Variants in FANCI observed in about 807,000 individuals in gnomAD.
The protein encoded by FANCI is Fanconi anemia group I protein.
FANCI carries 156 observed loss-of-function variants against 176.1 expected under a neutral mutation model. The ratio of observed to expected loss-of-function variants is 0.89; its 90% CI spans 0.78 to 1.01. The LOEUF is 1.01. Among genes scored for constraint, FANCI ranks in the 50% least tolerant of loss-of-function variants. FANCI has a pLI of 0.00. For synonymous variants in FANCI, 613 were observed against 541.7 expected (o/e 1.13, Z -1.83); for missense variants, 1,678 against 1,534.1 (o/e 1.09, Z -1.57).
chr15:89,292,098 T>A (rs972025219), intron 20 of FANCI, among the ~76,000 whole-genome samples: 10 of 152,188 alleles, frequency 6.6e-5, no homozygotes, highest in African/African-American at 2.4e-4. Flanking sequence ...TGAACTAGGA[T>A]TGGCACTGTT....
At chr15:89,283,910 C>T (rs956124292) in intron 17 of FANCI, among the ~76,000 whole-genome samples, 2 of 151,838 alleles carry the variant, frequency 1.3e-5, no homozygotes, top group African/African-American at 4.8e-5. Context: ...CTACAGGCGC[C>T]TGCTACCGTG....
At chr15:89,316,356 C>T (rs772612303) in intron 37 of FANCI, 41 bp from the exon 38 acceptor site, 6 of 1,574,854 alleles carry the variant, frequency 3.8e-6, no homozygotes, top group South Asian at 3.4e-5. Flanking sequence ...TGCCTTGGAG[C>T]AGGTTTATCA....
intron 2 of FANCI, 25 bp from the exon 3 acceptor site, chr15:89,258,679 C>A (rs921915921): frequency 8.5e-5 from 135 of 1,592,008 alleles, no homozygotes; most frequent in Non-Finnish European, 1.2e-4. Flanking sequence ...TTGCCAGAGA[C>A]TTGTACCTTT....
chr15:89,304,986 G>A (rs2054661564), intron 28 of FANCI, 129 bp from the exon 29 acceptor site: 33 of 979,772 alleles, frequency 3.4e-5, no homozygotes, highest in Non-Finnish European at 5.1e-5. Flanking sequence ...ATGTTGGTGA[G>A]GCTGGTCTTG....
chr15:89,316,364 T>C (rs1297404607), intron 37 of FANCI, 33 bp from the exon 38 acceptor site: 4 of 1,596,820 alleles, frequency 2.5e-6, no homozygotes, highest in African/African-American at 1.3e-5. Context: ...AGCAGGTTTA[T>C]CACGTTAGAG....
At chr15:89,248,330 C>G (rs908957340) in intron 2 of FANCI, among the ~76,000 whole-genome samples, 3 of 152,186 alleles carry the variant, frequency 2.0e-5, no homozygotes, top group Admixed American at 1.3e-4. Context: ...AAAAGAATCC[C>G]TCTTCAAGGT....
rs112122784 is a variant in FANCI at position 89,294,601 on chromosome 15, AGG to A, written c.2457-308_2457-307del. 0.033 allele frequency among the ~76,000 whole-genome samples: 4,983 copies of A among 151,036 alleles called. 279 individuals are homozygous for A. The highest frequency in any genetic ancestry group is 0.11 in the African/African-American group (4,638 of 41,318). On this transcript the variant is annotated intron_variant, in intron 23 of 37. Coordinates refer to ENST00000310775, the MANE Select transcript of FANCI (RefSeq NM_001113378.2). The stretch of plus-strand genomic sequence containing the variant: ...ATTCTGCCTAAATAAATAAAAAGGT[AGG>A]GGGGGTGACTGAATTAAAAATACAA...
intron 2 of FANCI, among the ~76,000 whole-genome samples, chr15:89,250,525 TCA>T (rs1235353497): frequency 7.9e-6 from 1 of 126,806 alleles, no homozygotes; most frequent in African/African-American, 3.0e-5. Context: ...AATGGGAACA[TCA>T]CACACCGGGG....
Position 89,260,831 on chromosome 15 carries a change from A to G in FANCI, c.276A>G (p.Leu92=), listed in dbSNP as rs1254865307. ...QKEIASEIIG[L]LMLEAHHFPG... ...AAATAGCGTCTGAGATCATAGGATT[A>G]CTGATGCTGGAGGTAAGATGGCAAA... is the stretch of plus-strand genomic sequence containing the variant. Residue 92 remains leucine (L), a synonymous_variant, in exon 4 of 38, where the codon TTA becomes TTG. Transcript: ENST00000310775. The G allele has an allele frequency of 6.2e-7, 1 of 1,613,684 alleles. No individual in the cohort carries two copies. The highest frequency in any genetic ancestry group is 8.5e-7 in the Non-Finnish European group (1 of 1,179,812).
chr15:89,264,469 T>C (rs945169886), intron 8 of FANCI, 53 bp from the exon 9 acceptor site: 143 of 1,430,086 alleles, frequency 1.0e-4, no homozygotes, highest in Non-Finnish European at 1.4e-4. Context: ...TGAATTCAAA[T>C]TGGTTATTTT....
At chr15:89,316,205 T>C (rs1385571920) in intron 37 of FANCI, 192 bp from the exon 38 acceptor site, 1 of 633,240 alleles carries the variant, frequency 1.6e-6, no homozygotes. Context: ...GCCACTGTCT[T>C]ATTACTCTAC....
At position 89,314,723 on chromosome 15, in the gene FANCI, T is replaced by C. The variant is rs770474315; in HGVS notation, c.3816+16T>C. On this transcript the variant is annotated intron_variant, in intron 36 of 37. Coordinates refer to ENST00000310775, the MANE Select transcript of FANCI (RefSeq NM_001113378.2). ...GAAGTCCAAGGTAAACATTCTCTTA[T>C]TATGTGCTACCATTCCCATTTACCT... 27 of 1,561,492 alleles carry C rather than the reference T, an allele frequency of 1.7e-5. 1 individual carries two copies. The South Asian group carries it at 2.8e-4, about 16-fold the overall frequency.
chr15:89,274,468 C>T (rs1238729247), intron 12 of FANCI, among the ~76,000 whole-genome samples, 164 bp downstream of exon 12: 1 of 152,130 alleles, frequency 6.6e-6, no homozygotes, highest in East Asian at 1.9e-4. Context: ...GATACTTTTT[C>T]CCTATGGAAA....
intron 3 of FANCI, among the ~76,000 whole-genome samples, chr15:89,260,383 G>A (rs908055913): frequency 6.6e-6 from 1 of 152,136 alleles, no homozygotes; most frequent in African/African-American, 2.4e-5. Context: ...TGATTTTAAA[G>A]AACGATTGCA....
intron 35 of FANCI, 102 bp downstream of exon 35, chr15:89,313,074 A>G (rs1385205689): frequency 1.8e-6 from 2 of 1,122,274 alleles, no homozygotes; most frequent in African/African-American, 1.5e-5. Flanking sequence ...GTATGATTCC[A>G]TTTTCATGAA....
chr15:89,252,941 A>G (rs2052325729), intron 2 of FANCI, among the ~76,000 whole-genome samples: 2 of 152,358 alleles, frequency 1.3e-5, no homozygotes, highest in East Asian at 1.9e-4. Context: ...AGCTATATAT[A>G]TAAGTTGACT....
At chr15:89,284,059 C>T (rs1476469788) in intron 17 of FANCI, among the ~76,000 whole-genome samples, 1 of 152,120 alleles carries the variant, frequency 6.6e-6, no homozygotes, top group African/African-American at 2.4e-5. Context: ...CCACACCCGG[C>T]CCATATTATA....
intron 19 of FANCI, 52 bp from the exon 20 acceptor site, chr15:89,291,561 A>C: frequency 6.9e-7 from 1 of 1,456,856 alleles, no homozygotes; most frequent in East Asian, 2.3e-5. Flanking sequence ...GAAGTTAAAA[A>C]AGTAAAAAGC....
chr15:89,284,966 T>C (rs1228386531), intron 17 of FANCI, 130 bp from the exon 18 acceptor site: 2 of 947,544 alleles, frequency 2.1e-6, no homozygotes, highest in Non-Finnish European at 3.4e-6. Context: ...GATTATACTG[T>C]GTGTCTCACC....
Sources: allele counts gnomAD v4.1 joint callset (sites outside exome capture counted in the v4.1 genomes callset), GRCh38; gene constraint gnomAD v4.1.1; transcripts MANE v1.5; gene names NCBI Gene and HGNC (gene_info 2026-07-23, HGNC 2026-07-21).